PIEZO2: variants seen among roughly 807,000 people sequenced by gnomAD.
PIEZO2 encodes the protein piezo-type mechanosensitive ion channel component 2.
A neutral mutation model predicts 337.3 loss-of-function variants in PIEZO2; 172 were observed. That is an observed-to-expected ratio of 0.51 (90% confidence interval 0.45 to 0.58). The LOEUF is 0.58. Among genes scored for constraint, PIEZO2 ranks in the 20% least tolerant of loss-of-function variants. The probability of loss-of-function intolerance (pLI) is 0.00; values close to 1 mark genes in which losing one functional copy is unlikely to be tolerated. For synonymous variants in PIEZO2, 1,251 were observed against 1,228.5 expected (o/e 1.02, Z -0.38); for missense variants, 3,028 against 3,391.3 (o/e 0.89, Z 2.66).
In PIEZO2 at chr18:10,726,599, G is replaced by A; in HGVS notation, c.5029+4808C>T. 7.4e-7 allele frequency: 1 copy of A among 1,354,766 alleles called. No individual in the cohort carries two copies. The highest frequency in any genetic ancestry group is 9.7e-7 in the Non-Finnish European group (1 of 1,029,618). The allele number at this position is 1,354,766 out of a possible 1,614,324, so 83.9% of individuals were successfully genotyped here. On this transcript the variant is annotated intron_variant, in intron 36 of 55. Transcript: ENST00000674853. This position sits in a 1 kb window ranked among gnomAD's most constrained non-coding sequence, Gnocchi z 5.9. ...CGCCAGCTCTTCCAGGACCTGGCGCGCTACGTGCGGGACGCCGACGTGCGC... is the reference window on the plus strand; with the variant it reads ...CGCCAGCTCTTCCAGGACCTGGCGCACTACGTGCGGGACGCCGACGTGCGC...
chr18:10,972,475 G>C (rs1311464223), intron 3 of PIEZO2, among the ~76,000 whole-genome samples: 2 of 152,248 alleles, frequency 1.3e-5, no homozygotes, highest in African/African-American at 2.4e-5. Context: ...GGTGGAGTGA[G>C]AGACTGCGGT....
In PIEZO2 at chr18:10,847,980, T is replaced by G. The variant is rs1158993811; in HGVS notation, c.917+7373A>C. 1.3e-5 allele frequency among the ~76,000 whole-genome samples: 2 copies of G among 152,208 alleles called. No individual in the cohort carries two copies. The highest frequency in any genetic ancestry group is 2.9e-5 in the Non-Finnish European group (2 of 68,040). ...TTTTTCTCCACACACTGGACCGATT[T>G]CAGATGAAGGTTTTGCCAACTGGTC... On this transcript the variant is annotated intron_variant, in intron 7 of 55. Coordinates refer to ENST00000674853, the MANE Select transcript of PIEZO2 (RefSeq NM_001378183.1). This position sits in a 1 kb window ranked among gnomAD's most constrained non-coding sequence, Gnocchi z 5.7.
chr18:11,012,551 C>T (rs991104190), intron 2 of PIEZO2, among the ~76,000 whole-genome samples: 10 of 152,292 alleles, frequency 6.6e-5, no homozygotes, highest in Admixed American at 1.3e-4. Flanking sequence ...TTTCACTGTA[C>T]GCTCTTGGGC....
rs534721441 is a variant in PIEZO2 at position 10,786,986 on chromosome 18, T to C, written c.2318+50A>G. ...TTCCTTAAAGATGCTTTGAACAATA[T>C]GCATTCAAGTCTTCATCTTGTTCAT... On this transcript the variant is annotated intron_variant, in intron 16 of 55. Coordinates refer to ENST00000674853, the MANE Select transcript of PIEZO2 (RefSeq NM_001378183.1). 163 of 1,455,208 alleles carry C rather than the reference T, an allele frequency of 1.1e-4. No homozygotes were observed. In the African/African-American group the frequency reaches 2.1e-3, roughly 19 times the overall value. 90.1% of individuals were successfully genotyped at this position (1,455,208 alleles called of 1,614,324 possible).
intron 3 of PIEZO2, among the ~76,000 whole-genome samples, chr18:10,912,787 C>A (rs775102828): frequency 2.6e-5 from 4 of 152,110 alleles, no homozygotes; most frequent in Admixed American, 6.5e-5. Flanking sequence ...GCCAGGGGAC[C>A]TGGGTTCATA....
Position 10,716,251 on chromosome 18 carries a change from T to C in PIEZO2, c.5090-435A>G, listed in dbSNP as rs1435627834. On this transcript the variant is annotated intron_variant, in intron 37 of 55. Transcript: ENST00000674853. The surrounding 1 kb of genome is among the most constrained non-coding windows in gnomAD (Gnocchi z 4.1). ...CTAATACAGAAAAACCAACCCCTCTTCTTCCTCCTCCTCCTCAACCCACTC... is the reference window on the plus strand; with the variant it reads ...CTAATACAGAAAAACCAACCCCTCTCCTTCCTCCTCCTCCTCAACCCACTC... Among the ~76,000 whole-genome samples the C allele has an allele frequency of 1.3e-5, 2 of 152,120 alleles. No individual in the cohort carries two copies. Among genetic ancestry groups the C allele is most frequent in the East Asian group, 3.9e-4 (2 of 5,194 alleles).
Position 10,903,464 on chromosome 18 carries a change from G to A in PIEZO2, c.329+7722C>T, listed in dbSNP as rs1419636852. 2.0e-5 allele frequency among the ~76,000 whole-genome samples: 3 copies of A among 151,998 alleles called. No homozygotes were observed. Among genetic ancestry groups the A allele is most frequent in the East Asian group, 1.9e-4 (1 of 5,166 alleles). On this transcript the variant is annotated intron_variant, in intron 4 of 55. Coordinates refer to ENST00000674853, the MANE Select transcript of PIEZO2 (RefSeq NM_001378183.1). This position sits in a 1 kb window ranked among gnomAD's most constrained non-coding sequence, Gnocchi z 4.1. The stretch of plus-strand genomic sequence containing the variant: ...GGGCGGATCATGAGGTCAAGAGATC[G>A]AGACCATCCTGGCCAACAACATGGT...
At chr18:10,999,918 T>G (rs1158395605) in intron 2 of PIEZO2, among the ~76,000 whole-genome samples, 2 of 152,158 alleles carry the variant, frequency 1.3e-5, no homozygotes, top group African/African-American at 4.8e-5. Flanking sequence ...CGAAATAAAC[T>G]CAGAAGTCAA....
chr18:11,062,466 A>G (rs1302854679), intron 2 of PIEZO2, among the ~76,000 whole-genome samples: 2 of 152,246 alleles, frequency 1.3e-5, no homozygotes. Flanking sequence ...ATCAGAGTGA[A>G]CAGGCAACCT....
Position 10,677,718 on chromosome 18 carries a change from G to A in PIEZO2, c.8081+29C>T, listed in dbSNP as rs568119706. 1.9e-6 allele frequency: 3 copies of A among 1,601,596 alleles called. No homozygotes were observed. Among genetic ancestry groups the A allele is most frequent in the African/African-American group, 2.7e-5 (2 of 74,196 alleles). The stretch of plus-strand genomic sequence containing the variant: ...GTACCAGCTGCATATACCTAACAAA[G>A]CTCTATTAGTAGGAAAAAATACACT... On this transcript the variant is annotated intron_variant, in intron 53 of 55. Transcript: ENST00000674853. This position sits in a 1 kb window ranked among gnomAD's most constrained non-coding sequence, Gnocchi z 4.1.
chr18:10,889,463 G>C (rs975224096), intron 4 of PIEZO2, among the ~76,000 whole-genome samples: 3 of 152,110 alleles, frequency 2.0e-5, no homozygotes, highest in African/African-American at 7.2e-5. Flanking sequence ...TTGCAGATTC[G>C]GGAAATTAAT....
chr18:10,818,170 C>T (rs1393408190), intron 7 of PIEZO2, among the ~76,000 whole-genome samples: 3 of 152,198 alleles, frequency 2.0e-5, no homozygotes, highest in South Asian at 4.1e-4. Context: ...TCATACTTCA[C>T]GTTCCTTGTC....
chr18:11,078,767 A>G lies in PIEZO2; in HGVS notation c.65-12545T>C, dbSNP rs565541968. Among the ~76,000 whole-genome samples the G allele has an allele frequency of 2.6e-5, 4 of 152,354 alleles. No individual in the cohort carries two copies. The highest frequency in any genetic ancestry group is 2.1e-4 in the South Asian group (1 of 4,828). On this transcript the variant is annotated intron_variant, in intron 1 of 55. Coordinates refer to ENST00000674853, the MANE Select transcript of PIEZO2 (RefSeq NM_001378183.1). This position sits in a 1 kb window ranked among gnomAD's most constrained non-coding sequence, Gnocchi z 5.3. ...AGCAATGAATTGGATGAATGCCTCA[A>G]AATGAACCTCTTTTGCCAGATCTCT...
intron 2 of PIEZO2, among the ~76,000 whole-genome samples, chr18:11,022,866 T>C (rs2036365139): frequency 6.6e-6 from 1 of 152,086 alleles, no homozygotes. Context: ...AGGCGGTGTG[T>C]CCGGAGTTTG....
At chr18:10,875,151 A>G (rs1314045322) in intron 4 of PIEZO2, among the ~76,000 whole-genome samples, 1 of 152,188 alleles carries the variant, frequency 6.6e-6, no homozygotes, top group Non-Finnish European at 1.5e-5. Flanking sequence ...CTTAATTTTT[A>G]CAAATCGCCT....
chr18:10,742,698 G>A lies in PIEZO2; in HGVS notation c.4515-83C>T, dbSNP rs1324628412. 1.8e-5 allele frequency: 25 copies of A among 1,404,216 alleles called. No individual in the cohort carries two copies. In the Admixed American group the frequency reaches 4.1e-4, roughly 23 times the overall value. The allele number at this position is 1,404,216 out of a possible 1,614,324, so 87.0% of individuals were successfully genotyped here. On this transcript the variant is annotated intron_variant, in intron 31 of 55. Coordinates refer to ENST00000674853, the MANE Select transcript of PIEZO2 (RefSeq NM_001378183.1). ...CAGTACTTTGGACTTATGCTGTTAC[G>A]TATATAGCTAAATTCGTGGACAAAC...
Position 11,149,232 on chromosome 18 carries a change from C to A in PIEZO2, c.-644G>T, listed in dbSNP as rs1289230581. Among the ~76,000 whole-genome samples, 1 of 151,924 alleles carries A rather than the reference C, an allele frequency of 6.6e-6. No homozygotes were observed. The highest frequency in any genetic ancestry group is 1.5e-5 in the Non-Finnish European group (1 of 67,964). ...GAGGCAGCGCAGCTCAGCCCCTGCG[C>A]CCCCCAGCTTCGGGCCGGAGAGACC... is the stretch of plus-strand genomic sequence containing the variant. On this transcript the variant is annotated 5_prime_UTR_variant, in exon 1 of 56. Transcript: ENST00000674853. The surrounding 1 kb of genome is among the most constrained non-coding windows in gnomAD (Gnocchi z 8.7).
chr18:10,842,979 T>A (rs1347142122), intron 7 of PIEZO2, among the ~76,000 whole-genome samples: 1 of 152,226 alleles, frequency 6.6e-6, no homozygotes, highest in Non-Finnish European at 1.5e-5. Context: ...TATCCTTGAG[T>A]CATGGCTACT....
At chr18:10,728,177 G>A (rs1285540244) in intron 36 of PIEZO2, 1 of 152,600 alleles carries the variant, frequency 6.6e-6, no homozygotes. Context: ...AAAGCCATTT[G>A]TCATCCTTAG....
Sources: gnomAD v4.1 joint callset for allele counts (sites outside exome capture counted in the v4.1 genomes callset) on GRCh38, gnomAD v4.1.1 for gene constraint, Gnocchi (gnomAD v3.1) non-coding constraint, MANE v1.5 for transcripts, NCBI Gene and HGNC (gene_info 2026-07-23, HGNC 2026-07-21) for gene names.